The following ABCD3 variants were observed in gnomAD, a reference collection of about 807,000 sequenced individuals.
ABCD3 encodes ATP-binding cassette sub-family D member 3.
A neutral mutation model predicts 105.5 loss-of-function variants in ABCD3; 41 were observed. That is an observed-to-expected ratio of 0.39 (90% CI 0.30 to 0.50). The LOEUF (loss-of-function observed/expected upper bound fraction) is 0.50, where lower values mean the gene tolerates loss of function less well. Ranked by LOEUF, ABCD3 falls within the 20% of genes least tolerant of loss-of-function variation. The pLI, the probability that ABCD3 is intolerant of heterozygous loss-of-function variation, is 0.84. For missense variants in ABCD3, 622 were observed against 806.3 expected (o/e 0.77, Z 2.77); for synonymous variants, 258 against 269.0 (o/e 0.96, Z 0.40).
At chr1:94,458,341 A>G (rs559271463) in intron 1 of ABCD3, among the ~76,000 whole-genome samples, 170 of 152,298 alleles carry the variant, frequency 1.1e-3, no homozygotes, top group African/African-American at 3.8e-3. Context: ...GTTTGTATTT[A>G]TACACACACA....
In ABCD3 at chr1:94,456,883, T is replaced by C. The variant is rs1489602483; in HGVS notation, c.111-1724T>C. 2.6e-5 allele frequency among the ~76,000 whole-genome samples: 4 copies of C among 152,334 alleles called. No individual in the cohort carries two copies. The East Asian group carries it at 7.7e-4, about 29-fold the overall frequency. On this transcript the variant is annotated intron_variant, in intron 1 of 22. Coordinates refer to ENST00000370214, the MANE Select transcript of ABCD3 (RefSeq NM_002858.4). ...CTTCTCAACCAACAATGTTCAAGTG[T>C]TCTCTTTTCTCCACGTCCTTGCCAA...
intron 16 of ABCD3, among the ~76,000 whole-genome samples, chr1:94,493,882 G>A (rs1327309333): frequency 1.3e-5 from 2 of 152,016 alleles, no homozygotes; most frequent in African/African-American, 4.8e-5. Flanking sequence ...CTCATAGGTG[G>A]GAATTGAACA....
At chr1:94,486,012 C>T (rs994830553) in intron 10 of ABCD3, among the ~76,000 whole-genome samples, 1 of 151,906 alleles carries the variant, frequency 6.6e-6, no homozygotes, top group Admixed American at 6.6e-5. Context: ...ACCAACATGG[C>T]AAAACCCCAT....
At position 94,458,639 on chromosome 1, in the gene ABCD3, A is replaced by G. The variant is rs373581476; in HGVS notation, c.143A>G (p.Asn48Ser). The change falls in exon 2 of 23, where the codon AAT becomes AGT. Residue 48 changes from asparagine (N) to serine (S), a missense_variant. Physicochemically the swap from Asn to Ser is conservative, Grantham distance 46 (BLOSUM62 1). Coordinates refer to ENST00000370214, the MANE Select transcript of ABCD3 (RefSeq NM_002858.4). Reference sequence around the variant, plus strand: ...AGTGGAAAACCACCATTACAGAACAATGAGGTAAAAGTTTAAATCATCTTC... The same window carrying G: ...AGTGGAAAACCACCATTACAGAACAGTGAGGTAAAAGTTTAAATCATCTTC... ...KKSGKPPLQN[N>S]EKEGKKERAV... 5.6e-6 allele frequency: 9 copies of G among 1,611,870 alleles called. No individual in the cohort carries two copies. The highest frequency in any genetic ancestry group is 3.3e-5 in the Admixed American group (2 of 59,982).
At chr1:94,458,681 CATTT>C (rs759595420) in intron 2 of ABCD3, 38 bp downstream of exon 2, 18 of 1,552,794 alleles carry the variant, frequency 1.2e-5, no homozygotes. Flanking sequence ...GGATTTCATG[CATTT>C]ATTTCATTTA....
intron 10 of ABCD3, among the ~76,000 whole-genome samples, chr1:94,483,666 G>A (rs1449288347): frequency 6.6e-6 from 1 of 152,118 alleles, no homozygotes; most frequent in Non-Finnish European, 1.5e-5. Context: ...AGACTTAAAT[G>A]TCAGACCTAA....
At chr1:94,465,605 C>T (rs1022465514) in intron 3 of ABCD3, among the ~76,000 whole-genome samples, 1 of 151,882 alleles carries the variant, frequency 6.6e-6, no homozygotes, top group Non-Finnish European at 1.5e-5. Flanking sequence ...AAAGACAAAC[C>T]CTTTTATTAC....
chr1:94,477,408 G>A (rs1425622314), intron 7 of ABCD3, among the ~76,000 whole-genome samples: 4 of 151,750 alleles, frequency 2.6e-5, no homozygotes, highest in Admixed American at 6.6e-5. Flanking sequence ...TGGGCAGATC[G>A]CTTGAGCCCA....
intron 10 of ABCD3, among the ~76,000 whole-genome samples, 155 bp from the exon 11 acceptor site, chr1:94,487,387 T>A (rs1649325667): frequency 6.6e-6 from 1 of 152,196 alleles, no homozygotes; most frequent in Non-Finnish European, 1.5e-5. Flanking sequence ...TCCTCGGTGG[T>A]GTGATGTACA....
chr1:94,451,667 C>T (rs1405490096), intron 1 of ABCD3, among the ~76,000 whole-genome samples: 10 of 152,114 alleles, frequency 6.6e-5, no homozygotes, highest in Non-Finnish European at 1.5e-4. Flanking sequence ...TGAACATTTC[C>T]GTATACTTAG....
chr1:94,482,960 G>A (rs1405712126), intron 9 of ABCD3: 1 of 555,156 alleles, frequency 1.8e-6, no homozygotes, highest in Non-Finnish European at 3.3e-6. Context: ...TCCAGCATAT[G>A]ATTCAGTCAG....
At chr1:94,452,346 G>C (rs766555632) in intron 1 of ABCD3, among the ~76,000 whole-genome samples, 1 of 152,186 alleles carries the variant, frequency 6.6e-6, no homozygotes, top group East Asian at 1.9e-4. Context: ...GAGAGAGAGC[G>C]CAGTATTAGG....
At chr1:94,489,023 A>G (rs1649404768) in intron 13 of ABCD3, among the ~76,000 whole-genome samples, 1 of 152,130 alleles carries the variant, frequency 6.6e-6, no homozygotes, top group African/African-American at 2.4e-5. Flanking sequence ...CATCAAGACC[A>G]TAAACATTCA....
chr1:94,457,069 C>T (rs1647609087), intron 1 of ABCD3, among the ~76,000 whole-genome samples: 1 of 152,028 alleles, frequency 6.6e-6, no homozygotes, highest in Non-Finnish European at 1.5e-5. Context: ...TATTTGGGTC[C>T]TTTGCTCGTT....
intron 2 of ABCD3, among the ~76,000 whole-genome samples, chr1:94,458,851 A>G (rs867110525): frequency 1.3e-5 from 2 of 151,996 alleles, no homozygotes; most frequent in African/African-American, 2.4e-5. Context: ...CATTAGTTCT[A>G]GCCCATGATG....
chr1:94,445,740 T>C (rs1040840190), intron 1 of ABCD3, among the ~76,000 whole-genome samples: 1 of 152,142 alleles, frequency 6.6e-6, no homozygotes, highest in African/African-American at 2.4e-5. Context: ...AAAAGAACTG[T>C]ACATGGATTT....
chr1:94,443,834 A>C (rs139424632), intron 1 of ABCD3, among the ~76,000 whole-genome samples: 2 of 152,074 alleles, frequency 1.3e-5, no homozygotes, highest in Admixed American at 6.5e-5. Flanking sequence ...TTTGTATAGA[A>C]ATTTTAGAAT....
chr1:94,453,183 A>G (rs983809898), intron 1 of ABCD3, among the ~76,000 whole-genome samples: 1 of 151,680 alleles, frequency 6.6e-6, no homozygotes, highest in African/African-American at 2.4e-5. Flanking sequence ...TTTTGTTAGA[A>G]CTCCCCGGTA....
At chr1:94,506,753 C>G in intron 21 of ABCD3, 111 bp downstream of exon 21, 1 of 715,702 alleles carries the variant, frequency 1.4e-6, no homozygotes, top group Non-Finnish European at 2.4e-6. Flanking sequence ...AAAATTTCTA[C>G]CAAAAGATTT....
Sources: allele counts gnomAD v4.1 joint callset (sites outside exome capture counted in the v4.1 genomes callset), GRCh38; gene constraint gnomAD v4.1.1; transcripts MANE v1.5; gene names NCBI Gene and HGNC (gene_info 2026-07-23, HGNC 2026-07-21).